Variants in TRPM1 observed in about 807,000 individuals in gnomAD.
The protein encoded by TRPM1 is TRPM1-203 APA Isoform, Intron 10.
A neutral mutation model predicts 149.4 loss-of-function variants in TRPM1; 113 were observed. The observed-to-expected ratio is 0.76, with a 90% confidence interval of 0.65 to 0.88. TRPM1 has a LOEUF of 0.88. Ranked by LOEUF, TRPM1 falls within the 40% of genes least tolerant of loss-of-function variation. The pLI is 0.00. For missense variants in TRPM1, 1,976 were observed against 2,038.7 expected, an observed-to-expected ratio of 0.97 and a Z score of 0.59; for synonymous variants, 741 against 759.5, an observed-to-expected ratio of 0.98 and a Z score of 0.40.
At chr15:31,128,918 C>T (rs192897653) in intron 1 of TRPM1, among the ~76,000 whole-genome samples, 194 of 152,354 alleles carry the variant, frequency 1.3e-3, no homozygotes, top group Non-Finnish European at 2.2e-3. Context: ...CCCCCCGCTC[C>T]GGCTTCCAGT....
chr15:31,023,320 G>T (rs569760959), intron 27 of TRPM1, among the ~76,000 whole-genome samples: 2 of 152,368 alleles, frequency 1.3e-5, no homozygotes, highest in Admixed American at 6.5e-5. Flanking sequence ...AAATGAAAGA[G>T]AAATGGAATA....
chr15:31,038,248 C>T (rs2033491369), intron 18 of TRPM1, 82 bp from the exon 19 acceptor site: 9 of 1,496,102 alleles, frequency 6.0e-6, no homozygotes, highest in Non-Finnish European at 7.3e-6. Flanking sequence ...AAATTATGAC[C>T]TTCAACATTA....
At chr15:31,030,708 T>C (rs1305515641) in intron 23 of TRPM1, among the ~76,000 whole-genome samples, 1 of 152,202 alleles carries the variant, frequency 6.6e-6, no homozygotes, top group Non-Finnish European at 1.5e-5. Context: ...AAAACTAGGC[T>C]ATTGGCATTA....
intron 1 of TRPM1, among the ~76,000 whole-genome samples, chr15:31,088,909 G>C (rs917673826): frequency 6.6e-6 from 1 of 152,110 alleles, no homozygotes; most frequent in Non-Finnish European, 1.5e-5. Flanking sequence ...TTGCCTACCA[G>C]AAGTCTGGTG....
intron 21 of TRPM1, 45 bp downstream of exon 21, chr15:31,035,501 G>A: frequency 6.2e-7 from 1 of 1,613,334 alleles, no homozygotes; most frequent in Non-Finnish European, 8.5e-7. Context: ...ATCTGCATTT[G>A]CAGTCAGCGG....
intron 6 of TRPM1, 65 bp from the exon 7 acceptor site, chr15:31,066,312 A>G (rs1050612591): frequency 1.3e-6 from 2 of 1,567,334 alleles, no homozygotes; most frequent in Admixed American, 3.4e-5. Context: ...CAAGGGAAGC[A>G]AGCACAATAC....
chr15:31,138,993 C>T (rs1049954655), intron 1 of TRPM1, among the ~76,000 whole-genome samples: 1 of 152,060 alleles, frequency 6.6e-6, no homozygotes, highest in African/African-American at 2.4e-5. Flanking sequence ...TAGGCCTTTA[C>T]CTATGACCTT....
At chr15:31,018,001 C>T (rs1219761524) in intron 27 of TRPM1, among the ~76,000 whole-genome samples, 6 of 152,080 alleles carry the variant, frequency 3.9e-5, no homozygotes, top group African/African-American at 1.2e-4. Flanking sequence ...TGTAGTAAGC[C>T]AGTTGTTAAA....
chr15:31,149,712 G>C (rs1211435374), intron 1 of TRPM1, among the ~76,000 whole-genome samples: 1 of 151,996 alleles, frequency 6.6e-6, no homozygotes, highest in African/African-American at 2.4e-5. Context: ...GTAGAGACGG[G>C]GTTTCACCGT....
At chr15:31,049,347 C>T (rs1392649223) in intron 13 of TRPM1, 28 bp downstream of exon 13, 1 of 1,614,152 alleles carries the variant, frequency 6.2e-7, no homozygotes, top group Non-Finnish European at 8.5e-7. Flanking sequence ...CTGCCTCCCG[C>T]TTCCTTCCCT....
At chr15:31,132,869 C>T (rs1412980260) in intron 1 of TRPM1, among the ~76,000 whole-genome samples, 1 of 152,224 alleles carries the variant, frequency 6.6e-6, no homozygotes, top group Non-Finnish European at 1.5e-5. Context: ...TCTCTCTTGC[C>T]TGCTGCTATG....
At chr15:31,041,010 G>A (rs751048282) in intron 17 of TRPM1, among the ~76,000 whole-genome samples, 13 of 152,182 alleles carry the variant, frequency 8.5e-5, no homozygotes, top group Non-Finnish European at 1.3e-4. Context: ...GCCAGAGGGC[G>A]TCTAATGACT....
intron 2 of TRPM1, 68 bp from the exon 3 acceptor site, chr15:31,077,052 T>C (rs906281199): frequency 2.8e-6 from 3 of 1,068,662 alleles, no homozygotes; most frequent in South Asian, 2.5e-5. Context: ...TCCATTCTTA[T>C]ACCTTTATAA....
chr15:31,012,954 C>T lies in TRPM1; in HGVS notation c.3630-9884G>A, dbSNP rs75063115. ...CTTTCCAATGTCAGAATTTCCTTCC[C>T]TTCCTTCATTTCTTTCTTTTTCTTT... On this transcript the variant is annotated intron_variant, in intron 27 of 27. Transcript: ENST00000256552. 1.6e-3 allele frequency among the ~76,000 whole-genome samples: 235 copies of T among 149,834 alleles called. 1 individual carries two copies. In the East Asian group the frequency reaches 0.029, roughly 19 times the overall value.
chr15:31,066,915 G>A, intron 6 of TRPM1, 148 bp downstream of exon 6: 1 of 1,035,974 alleles, frequency 9.7e-7, no homozygotes, highest in East Asian at 2.6e-5. Context: ...CTTGCATTAT[G>A]GTTTTGCAAG....
intron 1 of TRPM1, among the ~76,000 whole-genome samples, chr15:31,142,903 G>T (rs1567077556): frequency 1.3e-5 from 2 of 152,160 alleles, no homozygotes; most frequent in Non-Finnish European, 2.9e-5. Flanking sequence ...AATTGTATGA[G>T]ATTTCTAGAA....
At chr15:31,029,426 GT>G in intron 23 of TRPM1, 35 bp from the exon 24 acceptor site, 1 of 1,612,312 alleles carries the variant, frequency 6.2e-7, no homozygotes, top group Non-Finnish European at 8.5e-7. Flanking sequence ...TTTTTGTTTT[GT>G]TTTGTTTTGA....
chr15:31,033,886 G>C (rs1417279349), intron 21 of TRPM1, among the ~76,000 whole-genome samples: 1 of 152,204 alleles, frequency 6.6e-6, no homozygotes, highest in Middle Eastern at 3.2e-3. Context: ...AGCTAGAAAA[G>C]GAACAGTAGT....
At chr15:31,066,572 G>A (rs904345347) in intron 6 of TRPM1, among the ~76,000 whole-genome samples, 1 of 152,084 alleles carries the variant, frequency 6.6e-6, no homozygotes, top group Non-Finnish European at 1.5e-5. Context: ...CAGACAAATG[G>A]TTAAAGAAAC....
Sources: gnomAD v4.1 joint callset for allele counts (sites outside exome capture counted in the v4.1 genomes callset) on GRCh38, gnomAD v4.1.1 for gene constraint, MANE v1.5 for transcripts, NCBI Gene and HGNC (gene_info 2026-07-23, HGNC 2026-07-21) for gene names.